The following SLC26A7 variants were observed in gnomAD, a reference collection of about 807,000 sequenced individuals.
SLC26A7 encodes anion exchange transporter.
In SLC26A7, 59 loss-of-function variants were observed where a neutral mutation model predicts 82.5. The ratio of observed to expected loss-of-function variants is 0.72; its 90% CI spans 0.58 to 0.89. SLC26A7 has a LOEUF of 0.89. SLC26A7 is among the 40% of genes least tolerant of loss of function. The pLI is 0.00. For synonymous variants in SLC26A7, 271 were observed against 274.3 expected, an observed-to-expected ratio of 0.99 and a Z score of 0.12; for missense variants, 820 against 793.0, an observed-to-expected ratio of 1.03 and a Z score of -0.41.
At chr8:91,309,867 A>G (rs1300787890) in intron 4 of SLC26A7, among the ~76,000 whole-genome samples, 5 of 152,022 alleles carry the variant, frequency 3.3e-5, no homozygotes, top group Non-Finnish European at 7.4e-5. Flanking sequence ...GGAGGGGAGC[A>G]TGTATAGTGT....
intron 9 of SLC26A7, among the ~76,000 whole-genome samples, chr8:91,349,243 C>T (rs1435729380): frequency 6.6e-6 from 1 of 151,566 alleles, no homozygotes; most frequent in Non-Finnish European, 1.5e-5. Context: ...TAACATAACC[C>T]ATTTGCTTAT....
intron 3 of SLC26A7, among the ~76,000 whole-genome samples, chr8:91,289,666 G>T (rs922087904): frequency 2.0e-5 from 3 of 151,946 alleles, no homozygotes; most frequent in Admixed American, 6.6e-5. Flanking sequence ...AAAAGGAAGG[G>T]AAATGTTCTG....
intron 4 of SLC26A7, among the ~76,000 whole-genome samples, chr8:91,296,054 A>C (rs1812008037): frequency 6.6e-6 from 1 of 152,192 alleles, no homozygotes; most frequent in African/African-American, 2.4e-5. Context: ...TGTTATAGGA[A>C]AAACTCCTGC....
chr8:91,299,989 A>G (rs542455802), intron 4 of SLC26A7, among the ~76,000 whole-genome samples: 1 of 152,342 alleles, frequency 6.6e-6, no homozygotes, highest in Admixed American at 6.5e-5. Flanking sequence ...TGTGTGGGGA[A>G]CATTAGACAA....
chr8:91,374,830 T>C (rs539398358), intron 15 of SLC26A7, among the ~76,000 whole-genome samples: 1 of 152,122 alleles, frequency 6.6e-6, no homozygotes. Flanking sequence ...CAGTGTGATA[T>C]TGAAGTCCCC....
chr8:91,343,968 GA>G (rs1259993454), intron 9 of SLC26A7: 27 of 811,640 alleles, frequency 3.3e-5, no homozygotes, highest in Non-Finnish European at 4.0e-5. Flanking sequence ...GACATCTATT[GA>G]GGGCCTGTGA....
At chr8:91,382,329 AC>A (rs1421022398) in intron 15 of SLC26A7, among the ~76,000 whole-genome samples, 1 of 152,120 alleles carries the variant, frequency 6.6e-6, no homozygotes, top group Non-Finnish European at 1.5e-5. Flanking sequence ...TTTCCTTCTT[AC>A]CACACATTAT....
chr8:91,220,700 G>T (rs1002993873), intron 2 of SLC26A7, among the ~76,000 whole-genome samples: 1 of 152,158 alleles, frequency 6.6e-6, no homozygotes, highest in Admixed American at 6.6e-5. Flanking sequence ...TTTTATGGCT[G>T]CATAGTATTC....
chr8:91,233,626 G>C (rs1810345664), intron 2 of SLC26A7, among the ~76,000 whole-genome samples: 1 of 151,638 alleles, frequency 6.6e-6, no homozygotes, highest in South Asian at 2.1e-4. Flanking sequence ...GTAGGAGAGG[G>C]GTGTGGAACC....
At chr8:91,262,091 G>A (rs960104360) in intron 2 of SLC26A7, among the ~76,000 whole-genome samples, 9 of 152,086 alleles carry the variant, frequency 5.9e-5, no homozygotes, top group Non-Finnish European at 1.3e-4. Context: ...AGACAGAAGA[G>A]GTCTGAGAAT....
chr8:91,341,605 G>C (rs1372642906), intron 8 of SLC26A7, among the ~76,000 whole-genome samples: 1 of 152,154 alleles, frequency 6.6e-6, no homozygotes, highest in Non-Finnish European at 1.5e-5. Flanking sequence ...CTAATACATA[G>C]CAGGCACTGG....
intron 15 of SLC26A7, among the ~76,000 whole-genome samples, chr8:91,380,479 C>T (rs375139283): frequency 4.1e-4 from 63 of 152,186 alleles, no homozygotes; most frequent in South Asian, 2.7e-3. Context: ...CAATCATCTC[C>T]GGTTGTTTGG....
At chr8:91,381,684 A>C (rs888332163) in intron 15 of SLC26A7, among the ~76,000 whole-genome samples, 1 of 152,124 alleles carries the variant, frequency 6.6e-6, no homozygotes, top group African/African-American at 2.4e-5. Context: ...TACTTGCCAG[A>C]CATAGTTTAT....
rs561442233 is a variant in SLC26A7 at position 91,308,246 on chromosome 8, G to GAT, written c.478-9970_478-9969insAT. ...GCGTTATATGTTTTTAGGAGGAAGAGGTGTGTGTGTGTGTGTGTGTGTGTG... is the reference window on the plus strand; with the variant it reads ...GCGTTATATGTTTTTAGGAGGAAGAGATGTGTGTGTGTGTGTGTGTGTGTGTG... On this transcript the variant is annotated intron_variant, in intron 4 of 18. Transcript: ENST00000276609. Among the ~76,000 whole-genome samples, 209 of 145,748 alleles carry GAT rather than the reference G, an allele frequency of 1.4e-3. 2 individuals carry two copies. The highest frequency in any genetic ancestry group is 5.2e-3 in the African/African-American group (206 of 39,758).
chr8:91,233,463 A>G (rs576720558), intron 2 of SLC26A7, among the ~76,000 whole-genome samples: 41 of 152,204 alleles, frequency 2.7e-4, no homozygotes, highest in African/African-American at 9.9e-4. Flanking sequence ...GCTACTTGGG[A>G]GGCTGAGACA....
chr8:91,350,041 T>G (rs1354309534), intron 9 of SLC26A7, among the ~76,000 whole-genome samples: 1 of 152,168 alleles, frequency 6.6e-6, no homozygotes, highest in East Asian at 1.9e-4. Flanking sequence ...ATAACTTTTT[T>G]TATGGGCAAT....
At chr8:91,291,300 C>A (rs890321053) in intron 3 of SLC26A7, among the ~76,000 whole-genome samples, 1 of 152,098 alleles carries the variant, frequency 6.6e-6, no homozygotes, top group African/African-American at 2.4e-5. Context: ...CCAGGTGCGA[C>A]CAAATCTAAA....
chr8:91,280,809 A>G (rs1289883794), intron 2 of SLC26A7, among the ~76,000 whole-genome samples: 1 of 152,212 alleles, frequency 6.6e-6, no homozygotes, highest in Non-Finnish European at 1.5e-5. Context: ...GGTGTATTCC[A>G]AAAGAAAGTG....
At chr8:91,272,939 G>A (rs1459680476) in intron 2 of SLC26A7, among the ~76,000 whole-genome samples, 1 of 152,136 alleles carries the variant, frequency 6.6e-6, no homozygotes, top group East Asian at 1.9e-4. Context: ...ACAGACAAAG[G>A]CAGAAATAGT....
Sources: gnomAD v4.1 joint callset for allele counts (sites outside exome capture counted in the v4.1 genomes callset) on GRCh38, gnomAD v4.1.1 for gene constraint, MANE v1.5 for transcripts, NCBI Gene and HGNC (gene_info 2026-07-23, HGNC 2026-07-21) for gene names.